Variants in MRE11 observed in about 807,000 individuals in gnomAD.
MRE11 encodes MRE11 double strand break repair nuclease, also known as double-strand break repair protein MRE11.
A neutral mutation model predicts 91.7 loss-of-function variants in MRE11; 62 were observed. That is an observed-to-expected ratio of 0.68 (90% CI 0.55 to 0.84). MRE11 has a LOEUF of 0.84. MRE11 is among the 40% of genes least tolerant of loss of function. The pLI is 0.00. For missense variants in MRE11, 796 were observed against 852.9 expected, an observed-to-expected ratio of 0.93 and a Z score of 0.83; for synonymous variants, 273 against 271.4, an observed-to-expected ratio of 1.01 and a Z score of -0.06.
Position 94,445,874 on chromosome 11 carries a change from A to G in MRE11, c.1803T>C (p.Thr601=). Residue 601 remains threonine, a synonymous_variant, in exon 16 of 20, where the codon ACT becomes ACC. Coordinates refer to ENST00000323929, the MANE Select transcript of MRE11 (RefSeq NM_005591.4). ...QRGRADTGLE[T]STRSRNSKTA... ...TCTTTGAGTTCCTGCTACGGGTAGA[A>G]GTCTCCAGACCAGTGTCTGCTGTTA... 1 of 1,613,728 alleles carries G rather than the reference A, an allele frequency of 6.2e-7. No individual in the cohort carries two copies. Among genetic ancestry groups the G allele is most frequent in the Non-Finnish European group, 8.5e-7 (1 of 1,179,618 alleles).
chr11:94,479,685 C>G lies in MRE11; in HGVS notation c.391G>C (p.Asp131His), dbSNP rs368403414. The change falls in exon 5 of 20, where the codon GAT (aspartate) becomes CAT (histidine). Residue 131 changes from aspartate (D) to histidine (H), a missense_variant. Coordinates refer to ENST00000323929, the MANE Select transcript of MRE11 (RefSeq NM_005591.4). ...AAAACAATAATTACCCCTGTGGGAT[C>G]GTCATGATTGCCATGAATACTAAAC... is the stretch of plus-strand genomic sequence containing the variant. ...PVFSIHGNHD[D>H]PTGADALCAL... The G allele has an allele frequency of 3.7e-6, 6 of 1,611,944 alleles. No individual in the cohort carries two copies. Among genetic ancestry groups the G allele is most frequent in the Non-Finnish European group, 5.1e-6 (6 of 1,178,852 alleles).
chr11:94,459,697 G>A (rs1946364358), intron 12 of MRE11, 116 bp from the exon 13 acceptor site: 2 of 1,120,600 alleles, frequency 1.8e-6, no homozygotes, highest in Non-Finnish European at 2.5e-6. Context: ...GTGAACAGCT[G>A]TAGTTAAGCC....
chr11:94,512,197 T>A, the MRE11 span, among the ~76,000 whole-genome samples: 2 of 152,242 alleles, frequency 1.3e-5, no homozygotes, highest in East Asian at 3.8e-4. Flanking sequence ...TTCCTAGCTA[T>A]GAGGCCTTAT....
At chr11:94,445,250 CTCTGCCAAACAGAAACAGCATTTG>C (rs1454808910) in intron 16 of MRE11, among the ~76,000 whole-genome samples, 6 of 152,170 alleles carry the variant, frequency 3.9e-5, no homozygotes, top group Non-Finnish European at 7.4e-5. Flanking sequence ...TCCAGGGTCT[CTCTGCCAAACAGAAACAGCATTTG>C]TCTGAAAGTA....
chr11:94,442,133 G>T (rs1945798133), intron 16 of MRE11, among the ~76,000 whole-genome samples: 1 of 152,016 alleles, frequency 6.6e-6, no homozygotes, highest in Non-Finnish European at 1.5e-5. Flanking sequence ...GAATAGCATA[G>T]AGGTAACATC....
At chr11:94,438,904 T>A (rs184708858) in intron 16 of MRE11, among the ~76,000 whole-genome samples, 82 of 152,308 alleles carry the variant, frequency 5.4e-4, no homozygotes, top group Non-Finnish European at 1.0e-3. Flanking sequence ...ATGTAGCTGT[T>A]TGGGTAGCAA....
At chr11:94,421,268 G>T (rs1314202066) in intron 19 of MRE11, among the ~76,000 whole-genome samples, 2 of 146,616 alleles carry the variant, frequency 1.4e-5, no homozygotes, top group African/African-American at 2.8e-5. Flanking sequence ...GACATTAAAA[G>T]AAATTAAAAG....
intron 14 of MRE11, among the ~76,000 whole-genome samples, chr11:94,454,152 C>T (rs908067158): frequency 2.7e-5 from 4 of 150,542 alleles, no homozygotes; most frequent in Admixed American, 2.7e-4. Flanking sequence ...CGGCTCATTG[C>T]AACCTCTGCC....
chr11:94,440,959 A>G, intron 16 of MRE11, among the ~76,000 whole-genome samples: 1 of 152,168 alleles, frequency 6.6e-6, no homozygotes, highest in East Asian at 1.9e-4. Context: ...TTCACAATCC[A>G]AAGTCCTGCT....
intron 19 of MRE11, among the ~76,000 whole-genome samples, chr11:94,426,263 A>G (rs1321208617): frequency 6.6e-6 from 1 of 152,150 alleles, no homozygotes; most frequent in African/African-American, 2.4e-5. Context: ...GAAATAAAAA[A>G]ATTCTTTGAA....
At chr11:94,503,855 G>GCTATA in the MRE11 span, among the ~76,000 whole-genome samples, 1 of 132,878 alleles carries the variant, frequency 7.5e-6, no homozygotes, top group African/African-American at 2.8e-5. Context: ...AAAAAGACTA[G>GCTATA]CTATAAAACA....
Position 94,459,449 on chromosome 11 carries a change from C to G in MRE11, c.1459G>C (p.Glu487Gln). 1 of 1,613,984 alleles carries G rather than the reference C, an allele frequency of 6.2e-7. No individual in the cohort carries two copies. Among genetic ancestry groups the G allele is most frequent in the Admixed American group, 1.7e-5 (1 of 60,020 alleles). ...TCTTCGAGGGCATCAATATGACGTTCTTTAAGAAATCGCTGTGTTTTTTCC... is the reference window on the plus strand; with the variant it reads ...TCTTCGAGGGCATCAATATGACGTTGTTTAAGAAATCGCTGTGTTTTTTCC... ...QLEKTQRFLKERHIDALEDKI... is the reference protein window; with the variant it reads ...QLEKTQRFLKQRHIDALEDKI... Residue 487 changes from glutamate (E) to glutamine (Q), a missense_variant, in exon 13 of 20, where the codon GAA (glutamate) becomes CAA (glutamine). By Grantham distance (29) the Glu-to-Gln change is conservative. Transcript: ENST00000323929.
intron 4 of MRE11, chr11:94,483,770 G>C (rs1176779250): frequency 6.5e-6 from 1 of 152,694 alleles, no homozygotes; most frequent in African/African-American, 2.4e-5. Context: ...TTGAACCCAG[G>C]AGGTTGAGGC....
In MRE11 at chr11:94,429,972, G is replaced by A; in HGVS notation, c.2009C>T (p.Ser670Leu). 6.2e-7 allele frequency: 1 copy of A among 1,614,088 alleles called. No homozygotes were observed. The highest frequency in any genetic ancestry group is 8.5e-7 in the Non-Finnish European group (1 of 1,179,988). The change falls in exon 19 of 20, where the codon TCA becomes TTA. Residue 670 changes from serine to leucine, a missense_variant. Coordinates refer to ENST00000323929, the MANE Select transcript of MRE11 (RefSeq NM_005591.4). Reference protein sequence around the residue: ...SKTDQRWSSTSSSKIMSQSQV... With the variant: ...SKTDQRWSSTLSSKIMSQSQV... ...ACTCTGGGACATGATTTTGCTGGATGATGTGCTGGACCACCTGAGGCAAAA... is the reference window on the plus strand; with the variant it reads ...ACTCTGGGACATGATTTTGCTGGATAATGTGCTGGACCACCTGAGGCAAAA...
chr11:94,465,530 G>A (rs1946540313), intron 10 of MRE11, among the ~76,000 whole-genome samples: 1 of 151,638 alleles, frequency 6.6e-6, no homozygotes, highest in Admixed American at 6.6e-5. Context: ...CAAGTAGTTG[G>A]GATTACAGGC....
intron 5 of MRE11, among the ~76,000 whole-genome samples, chr11:94,479,329 G>A (rs1946955491): frequency 6.6e-6 from 1 of 152,024 alleles, no homozygotes; most frequent in South Asian, 2.1e-4. Context: ...TTTAAAGATG[G>A]TCTTGAACAA....
Position 94,418,373 on chromosome 11 carries a change from C to T in MRE11, c.*1752G>A. ...CGCATTTAGTACCTCTTTTCACAGC[C>T]AAGAGCAATTTTTTTTTTTTTAAGG... On this transcript the variant is annotated 3_prime_UTR_variant, in exon 20 of 20. Transcript: ENST00000323929. The T allele has an allele frequency of 8.6e-6, 2 of 231,252 alleles. No homozygotes were observed. Among genetic ancestry groups the T allele is most frequent in the Non-Finnish European group, 1.7e-5 (2 of 117,020 alleles). The allele number at this position is 231,252 out of a possible 1,614,324, so 14.3% of individuals were successfully genotyped here.
chr11:94,446,014 A>C (rs1945919994), intron 15 of MRE11, 121 bp from the exon 16 acceptor site: 1 of 749,408 alleles, frequency 1.3e-6, no homozygotes, highest in African/African-American at 1.7e-5. Context: ...AAAAAGCCAG[A>C]CATATATATA....
intron 6 of MRE11, 84 bp downstream of exon 6, chr11:94,478,651 A>G: frequency 1.2e-5 from 19 of 1,522,052 alleles, no homozygotes; most frequent in Non-Finnish European, 1.7e-5. Flanking sequence ...CATTTTTTCC[A>G]AACAGATACA....
Sources: gnomAD v4.1 joint callset for allele counts (sites outside exome capture counted in the v4.1 genomes callset) on GRCh38, gnomAD v4.1.1 for gene constraint, MANE v1.5 for transcripts, NCBI Gene and HGNC (gene_info 2026-07-23, HGNC 2026-07-21) for gene names.